DLEU7: variants seen among roughly 807,000 people sequenced by gnomAD.
DLEU7 encodes leukemia-associated protein 7.
DLEU7 carries 17 observed loss-of-function variants against 16.0 expected under a neutral mutation model. The observed-to-expected ratio is 1.06, with a 90% CI of 0.73 to 1.59. The LOEUF (loss-of-function observed/expected upper bound fraction) is 1.59. Ranked by LOEUF, DLEU7 falls within the 40% of genes most tolerant of loss-of-function variation. DLEU7 has a pLI of 0.00. For missense variants in DLEU7, 308 were observed against 314.9 expected (o/e 0.98, Z 0.17); for synonymous variants, 113 against 139.8 (o/e 0.81, Z 1.35).
At chr13:50,803,918 T>C (rs1394193463) in intron 1 of DLEU7, among the ~76,000 whole-genome samples, 1 of 152,158 alleles carries the variant, frequency 6.6e-6, no homozygotes, top group Non-Finnish European at 1.5e-5. Context: ...AAAGAGATCT[T>C]CCTTACTACA....
At chr13:50,746,160 C>T (rs74081119) in intron 1 of DLEU7, among the ~76,000 whole-genome samples, 12,472 of 152,184 alleles carry the variant, frequency 0.082, 1,061 homozygotes, top group African/African-American at 0.22. Flanking sequence ...AGAGTAGTAC[C>T]TGGCACACAG....
At chr13:50,771,075 C>T (rs547442947) in intron 1 of DLEU7, among the ~76,000 whole-genome samples, 3 of 152,170 alleles carry the variant, frequency 2.0e-5, no homozygotes, top group Non-Finnish European at 4.4e-5. Context: ...ACAGTATTCT[C>T]TGATGGTAGT....
chr13:50,831,759 G>A (rs990441520), intron 1 of DLEU7, among the ~76,000 whole-genome samples: 4 of 152,254 alleles, frequency 2.6e-5, no homozygotes, highest in Non-Finnish European at 5.9e-5. Flanking sequence ...TGTGGCTTGG[G>A]GAGAGTACGT....
At chr13:50,748,626 T>G (rs1388280343) in intron 1 of DLEU7, among the ~76,000 whole-genome samples, 5 of 152,070 alleles carry the variant, frequency 3.3e-5, no homozygotes, top group African/African-American at 1.2e-4. Context: ...TTTAAAGGAT[T>G]GTTTGCTTCC....
chr13:50,792,802 C>T (rs954516125), intron 1 of DLEU7, among the ~76,000 whole-genome samples: 2 of 152,052 alleles, frequency 1.3e-5, no homozygotes, highest in African/African-American at 4.8e-5. Context: ...TCCCTACTTA[C>T]TCTCTTCACA....
chr13:50,733,323 A>G (rs887681352), intron 1 of DLEU7, among the ~76,000 whole-genome samples: 9 of 152,286 alleles, frequency 5.9e-5, no homozygotes, highest in Admixed American at 5.9e-4. Context: ...TTGCACACAA[A>G]CCAAATGTCC....
At chr13:50,752,104 T>G (rs1593541710) in intron 1 of DLEU7, among the ~76,000 whole-genome samples, 1 of 148,200 alleles carries the variant, frequency 6.7e-6, no homozygotes, top group African/African-American at 2.5e-5. Context: ...CAGGCTGGAG[T>G]GCAGTGGCAC....
intron 1 of DLEU7, 136 bp from the exon 2 acceptor site, chr13:50,823,656 C>G: frequency 1.9e-6 from 2 of 1,055,628 alleles, no homozygotes; most frequent in African/African-American, 3.2e-5. Flanking sequence ...GAAAACTACA[C>G]CCCATTCTTA....
At chr13:50,770,282 GC>G (rs1875257312) in intron 1 of DLEU7, among the ~76,000 whole-genome samples, 1 of 152,086 alleles carries the variant, frequency 6.6e-6, no homozygotes, top group Non-Finnish European at 1.5e-5. Flanking sequence ...TTGCCTGATT[GC>G]CCTGGCCAGA....
At chr13:50,750,891 T>C (rs566130521) in intron 1 of DLEU7, among the ~76,000 whole-genome samples, 1 of 152,310 alleles carries the variant, frequency 6.6e-6, no homozygotes, top group South Asian at 2.1e-4. Context: ...AACAGGACAG[T>C]CTGACTTCCT....
At chr13:50,731,032 A>G (rs1362256406) in intron 1 of DLEU7, among the ~76,000 whole-genome samples, 1 of 152,198 alleles carries the variant, frequency 6.6e-6, no homozygotes, top group Non-Finnish European at 1.5e-5. Flanking sequence ...CCCCTCCTGC[A>G]ACCAATCAGA....
At chr13:50,711,175 A>G (rs2137696930), downstream of DLEU7, 1 of 152,358 alleles carries the variant, frequency 6.6e-6, no homozygotes, top group African/African-American at 2.4e-5. Context: ...CCTCAAAAAT[A>G]TTGAGTATAT....
At chr13:50,752,341 G>A (rs1331775041) in intron 1 of DLEU7, among the ~76,000 whole-genome samples, 5 of 152,030 alleles carry the variant, frequency 3.3e-5, no homozygotes, top group African/African-American at 7.2e-5. Context: ...GTGAGCCACC[G>A]TGCCAGGCCT....
At chr13:50,720,765 T>C (rs957838041) in intron 1 of DLEU7, among the ~76,000 whole-genome samples, 1 of 152,090 alleles carries the variant, frequency 6.6e-6, no homozygotes, top group Non-Finnish European at 1.5e-5. Flanking sequence ...GAAAAGTAAC[T>C]CCCTAAAATT....
At chr13:50,750,971 T>C (rs1224041602) in intron 1 of DLEU7, among the ~76,000 whole-genome samples, 2 of 152,186 alleles carry the variant, frequency 1.3e-5, no homozygotes, top group Non-Finnish European at 1.5e-5. Flanking sequence ...TTCAGTACCA[T>C]ATTGAAGAGA....
chr13:50,713,902 G>A (rs893240613), intron 1 of DLEU7, among the ~76,000 whole-genome samples: 1 of 152,146 alleles, frequency 6.6e-6, no homozygotes. Flanking sequence ...ATGTGAAAAC[G>A]ACCCAGACTC....
chr13:50,740,852 A>G (rs1162101101), intron 1 of DLEU7, among the ~76,000 whole-genome samples: 1 of 152,124 alleles, frequency 6.6e-6, no homozygotes, highest in East Asian at 1.9e-4. Context: ...GTTCCTGCTT[A>G]TAAGTGAAAA....
rs538722580 is a variant in DLEU7, at chr13:50,770,340, G to A, written c.460-57100C>T. ...AGGAGTGGTGAGAGAGGGCATCCCT[G>A]TCTTGTGCCAGTTTTCAAAGGGAAT... On this transcript the variant is annotated intron_variant, in intron 1 of 1. Coordinates refer to the DLEU7 transcript ENST00000400393. 4.6e-5 allele frequency among the ~76,000 whole-genome samples: 7 copies of A among 152,248 alleles called. No individual in the cohort carries two copies. The South Asian group carries it at 1.4e-3, about 32-fold the overall frequency.
At chr13:50,814,761 A>AGAGTGT (rs1555293748) in intron 1 of DLEU7, among the ~76,000 whole-genome samples, 1 of 138,556 alleles carries the variant, frequency 7.2e-6, no homozygotes, top group Non-Finnish European at 1.6e-5. Flanking sequence ...TATTCATGTG[A>AGAGTGT]GTGTGTGTGT....
Sources: allele counts gnomAD v4.1 joint callset (sites outside exome capture counted in the v4.1 genomes callset), GRCh38; gene constraint gnomAD v4.1.1; transcripts MANE v1.5; gene names NCBI Gene and HGNC (gene_info 2026-07-23, HGNC 2026-07-21).